The following BRINP2 variants were observed in gnomAD, a reference collection of about 807,000 sequenced individuals.
BRINP2 encodes the protein BMP/retinoic acid-inducible neural-specific protein 2.
In BRINP2, 21 loss-of-function variants were observed where a neutral mutation model predicts 69.2. The ratio of observed to expected loss-of-function variants is 0.30; its 90% CI spans 0.22 to 0.44. The LOEUF (loss-of-function observed/expected upper bound fraction) is 0.44. Among genes scored for constraint, BRINP2 ranks in the 20% least tolerant of loss-of-function variants. BRINP2 has a pLI of 1.00. For synonymous variants in BRINP2, 380 were observed against 394.1 expected (o/e 0.96, Z 0.42); for missense variants, 877 against 986.0 (o/e 0.89, Z 1.48).
intron 1 of BRINP2, among the ~76,000 whole-genome samples, chr1:177,216,087 T>G (rs542968098): frequency 5.9e-4 from 90 of 152,188 alleles, no homozygotes; most frequent in African/African-American, 2.1e-3. Flanking sequence ...TGTCTTTTGA[T>G]TGGAGAATTT....
intron 4 of BRINP2, among the ~76,000 whole-genome samples, chr1:177,262,379 G>A (rs1442528436): frequency 2.6e-5 from 4 of 152,084 alleles, no homozygotes; most frequent in Non-Finnish European, 4.4e-5. Context: ...GGGCAAGGTG[G>A]TGCACCCCTG....
At chr1:177,267,132 G>A (rs1178998456) in intron 4 of BRINP2, among the ~76,000 whole-genome samples, 1 of 150,974 alleles carries the variant, frequency 6.6e-6, no homozygotes, top group Non-Finnish European at 1.5e-5. Context: ...AGCATGCTTA[G>A]TTGAAAGAAA....
At chr1:177,175,516 CACA>C (rs1648064975) in intron 1 of BRINP2, among the ~76,000 whole-genome samples, 1 of 152,202 alleles carries the variant, frequency 6.6e-6, no homozygotes, top group Admixed American at 6.5e-5. Flanking sequence ...GGACTGGTAA[CACA>C]ACAACCCTAG....
chr1:177,277,712 A>G (rs1025526081), intron 6 of BRINP2, among the ~76,000 whole-genome samples: 1 of 152,006 alleles, frequency 6.6e-6, no homozygotes, highest in African/African-American at 2.4e-5. Flanking sequence ...GCTTTGGGCT[A>G]TGGTGGTGGG....
At chr1:177,279,888 A>G (rs183503826) in intron 7 of BRINP2, among the ~76,000 whole-genome samples, 4 of 152,330 alleles carry the variant, frequency 2.6e-5, no homozygotes, top group Non-Finnish European at 5.9e-5. Context: ...CGGCAGGGAC[A>G]TCAGGAAAGA....
chr1:177,262,176 T>C (rs12731391), intron 4 of BRINP2, among the ~76,000 whole-genome samples: 28,238 of 152,102 alleles, frequency 0.19, 3,040 homozygotes, highest in Non-Finnish European at 0.24. Context: ...TGTGTTTTTG[T>C]TTTTAAGATG....
intron 4 of BRINP2, among the ~76,000 whole-genome samples, chr1:177,270,727 G>C (rs1160529508): frequency 6.6e-6 from 1 of 152,130 alleles, no homozygotes. Context: ...ACGACGGAGT[G>C]GGCAGCTTAC....
intron 2 of BRINP2, among the ~76,000 whole-genome samples, chr1:177,237,392 C>T (rs1650062775): frequency 7.4e-6 from 1 of 134,260 alleles, no homozygotes. Context: ...AGAAAGAAGA[C>T]ATTTAATACA....
intron 2 of BRINP2, among the ~76,000 whole-genome samples, chr1:177,241,403 C>A (rs1418964216): frequency 1.3e-5 from 2 of 152,148 alleles, no homozygotes; most frequent in Non-Finnish European, 2.9e-5. Context: ...TAGAATAAGT[C>A]TAACTTCACA....
At chr1:177,261,986 G>A (rs1650969326) in intron 4 of BRINP2, among the ~76,000 whole-genome samples, 1 of 152,190 alleles carries the variant, frequency 6.6e-6, no homozygotes, top group African/African-American at 2.4e-5. Context: ...GTGACATGGA[G>A]GTCACTGGTA....
rs1327557963 is a variant in BRINP2 at position 177,280,736 on chromosome 1, G to A, written c.1560G>A (p.Lys520=). The change falls in exon 8 of 8, where the codon AAG becomes AAA. Residue 520 remains lysine (K), a synonymous_variant. Transcript: ENST00000361539. ...TGGAGCTAAAGTACCTGCTGCAGAA[G>A]CAGGATAGCCGCATTGAGGTACACT... ...QDLELKYLLQ[K]QDSRIEVHSI... 1 of 1,614,244 alleles carries A rather than the reference G, an allele frequency of 6.2e-7. No homozygotes were observed. The highest frequency in any genetic ancestry group is 8.5e-7 in the Non-Finnish European group (1 of 1,180,024).
chr1:177,252,053 AC>A (rs1342174654), intron 2 of BRINP2, among the ~76,000 whole-genome samples: 3 of 152,196 alleles, frequency 2.0e-5, no homozygotes, highest in African/African-American at 7.2e-5. Context: ...GTAATTATCA[AC>A]TAACCAGTGA....
chr1:177,280,766 C>A lies in BRINP2; in HGVS notation c.1590C>A (p.Ile530=), dbSNP rs543200445. 6.2e-7 allele frequency: 1 copy of A among 1,614,192 alleles called. No homozygotes were observed. The highest frequency in any genetic ancestry group is 1.3e-5 in the African/African-American group (1 of 75,070). ...KQDSRIEVHS[I]FISNDMRLGS... The stretch of plus-strand genomic sequence containing the variant: ...ATAGCCGCATTGAGGTACACTCCAT[C>A]TTCATCAGCAATGACATGCGGCTGG... Residue 530 remains isoleucine, a synonymous_variant, in exon 8 of 8, where the codon ATC becomes ATA. Coordinates refer to ENST00000361539, the MANE Select transcript of BRINP2 (RefSeq NM_021165.4).
chr1:177,270,084 G>GGA (rs879919041), intron 4 of BRINP2, among the ~76,000 whole-genome samples: 1 of 138,510 alleles, frequency 7.2e-6, no homozygotes, highest in Non-Finnish European at 1.6e-5. Context: ...GCAAGGGGTG[G>GGA]GGGGGGTGGT....
rs758819923 is a variant in BRINP2 at position 177,257,280 on chromosome 1, G to A, written c.565G>A (p.Val189Met). Residue 189 changes from valine (V) to methionine (M), a missense_variant, in exon 4 of 8, where the codon GTG becomes ATG. Coordinates refer to ENST00000361539, the MANE Select transcript of BRINP2 (RefSeq NM_021165.4). ...IIGGSGNSTAVSLETLHQLAA... is the reference protein window; with the variant it reads ...IIGGSGNSTAMSLETLHQLAA... ...CGGGGGCAGTGGGAACAGCACAGCT[G>A]TGTCCCTGGAGACCCTGCACCAGCT... The A allele has an allele frequency of 7.4e-6, 12 of 1,614,008 alleles. No homozygotes were observed. Among genetic ancestry groups the A allele is most frequent in the Non-Finnish European group, 1.0e-5 (12 of 1,180,030 alleles).
chr1:177,209,805 G>C (rs560566455), intron 1 of BRINP2, among the ~76,000 whole-genome samples: 77 of 152,176 alleles, frequency 5.1e-4, no homozygotes, highest in African/African-American at 1.7e-3. Flanking sequence ...ATAATACCTT[G>C]TTCTAATTTT....
At chr1:177,177,272 C>T (rs1164699341) in intron 1 of BRINP2, among the ~76,000 whole-genome samples, 3 of 151,694 alleles carry the variant, frequency 2.0e-5, no homozygotes, top group Admixed American at 2.0e-4. Flanking sequence ...CAGAGCGAGA[C>T]TCTTTATAAA....
chr1:177,176,319 G>A (rs899027297), intron 1 of BRINP2, among the ~76,000 whole-genome samples: 1 of 151,984 alleles, frequency 6.6e-6, no homozygotes. Flanking sequence ...TATGCATTGG[G>A]TTTTGAAGAC....
At chr1:177,273,637 T>TA (rs529344426) in intron 5 of BRINP2, 44 bp downstream of exon 5, 8,055 of 1,035,668 alleles carry the variant, frequency 7.8e-3, no homozygotes, top group South Asian at 9.6e-3. Context: ...ACACCTGATT[T>TA]AAAAAAAAAA....
Sources: allele counts gnomAD v4.1 joint callset (sites outside exome capture counted in the v4.1 genomes callset), GRCh38; gene constraint gnomAD v4.1.1; transcripts MANE v1.5; gene names NCBI Gene and HGNC (gene_info 2026-07-23, HGNC 2026-07-21).